The following TARBP1 variants were observed in gnomAD, a reference collection of about 807,000 sequenced individuals.
The protein encoded by TARBP1 is tRNA (guanosine(18)-2'-O)-methyltransferase TARBP1.
TARBP1 carries 144 observed loss-of-function variants against 178.6 expected under a neutral mutation model. That is an observed-to-expected ratio of 0.81 (90% CI 0.70 to 0.93). The LOEUF is 0.93. TARBP1 is among the 40% of genes least tolerant of loss of function. The probability of loss-of-function intolerance (pLI) is 0.00; values close to 1 mark genes in which losing one functional copy is unlikely to be tolerated. For missense variants in TARBP1, 2,067 were observed against 2,011.7 expected (o/e 1.03, Z -0.53); for synonymous variants, 787 against 781.0 (o/e 1.01, Z -0.13).
At chr1:234,400,620 C>A (rs984917710) in intron 25 of TARBP1, among the ~76,000 whole-genome samples, 2 of 152,082 alleles carry the variant, frequency 1.3e-5, no homozygotes, top group African/African-American at 4.8e-5. Flanking sequence ...GAGAAGGTAT[C>A]ATAATTTATG....
intron 22 of TARBP1, among the ~76,000 whole-genome samples, chr1:234,412,032 A>G (rs1046628834): frequency 6.6e-6 from 1 of 152,246 alleles, no homozygotes; most frequent in Non-Finnish European, 1.5e-5. Context: ...TAAAAATCAA[A>G]TCAGATTAAA....
chr1:234,453,046 T>A (rs1234696286), intron 9 of TARBP1, among the ~76,000 whole-genome samples: 1 of 151,966 alleles, frequency 6.6e-6, no homozygotes, highest in Non-Finnish European at 1.5e-5. Flanking sequence ...GCTGCCAAGG[T>A]CTGGGGGAAA....
In TARBP1 at chr1:234,459,262, G is replaced by A. The variant is rs1486542868; in HGVS notation, c.1600C>T (p.Leu534Phe). 8 of 1,612,738 alleles carry A rather than the reference G, an allele frequency of 5.0e-6. 2 individuals are homozygous for A. The Admixed American group carries it at 1.3e-4, about 27-fold the overall frequency. Residue 534 changes from leucine to phenylalanine, a missense_variant, in exon 8 of 30, where the codon CTT becomes TTT. Physicochemically the swap from Leu to Phe is conservative, Grantham distance 22 (BLOSUM62 0). Coordinates refer to ENST00000040877, the MANE Select transcript of TARBP1 (RefSeq NM_005646.4). The part of the protein sequence containing the change: ...ILLRGAAQCY[L>F]LQTAMNLLDV... The stretch of plus-strand genomic sequence containing the variant: ...AGCAAATTCATAGCTGTTTGAAGAA[G>A]GTAGCATTGGGCTGCCCCTCTCAGG...
Position 234,479,169 on chromosome 1 carries a change from G to A in TARBP1, c.-66C>T, listed in dbSNP as rs1669897231. On this transcript the variant is annotated 5_prime_UTR_variant, in exon 1 of 30. Coordinates refer to ENST00000040877, the MANE Select transcript of TARBP1 (RefSeq NM_005646.4). Reference sequence around the variant, plus strand: ...AGGCGCCGGCGTGTGCGATGCGTGCGCACAGGACCGGCCGGCCCCTACGTG... The same window carrying A: ...AGGCGCCGGCGTGTGCGATGCGTGCACACAGGACCGGCCGGCCCCTACGTG... 2.9e-6 allele frequency: 4 copies of A among 1,386,636 alleles called. No individual in the cohort carries two copies. Among genetic ancestry groups the A allele is most frequent in the Admixed American group, 6.7e-5 (2 of 29,902 alleles). 85.9% of individuals were successfully genotyped at this position (1,386,636 alleles called of 1,614,324 possible).
chr1:234,420,040 T>C (rs1662908997), intron 21 of TARBP1, among the ~76,000 whole-genome samples: 1 of 152,230 alleles, frequency 6.6e-6, no homozygotes, highest in South Asian at 2.1e-4. Flanking sequence ...AAAATGTTTT[T>C]AAAAATTGCA....
chr1:234,405,846 C>T (rs1661179760), intron 24 of TARBP1, 57 bp downstream of exon 24: 1 of 1,514,938 alleles, frequency 6.6e-7, no homozygotes, highest in East Asian at 2.3e-5. Context: ...ACTGCCCCCT[C>T]CCTGTGGGCC....
At chr1:234,429,757 C>A in intron 15 of TARBP1, 80 bp from the exon 16 acceptor site, 13 of 1,048,682 alleles carry the variant, frequency 1.2e-5, no homozygotes, top group Non-Finnish European at 1.7e-5. Context: ...ACTATCCTTT[C>A]TAAAGGTGGG....
At chr1:234,448,814 G>A (rs1489667039) in intron 10 of TARBP1, among the ~76,000 whole-genome samples, 1 of 152,214 alleles carries the variant, frequency 6.6e-6, no homozygotes, top group African/African-American at 2.4e-5. Context: ...TTACCTGGGT[G>A]CTGCAGACCC....
At chr1:234,466,864 G>A (rs918374197) in intron 4 of TARBP1, among the ~76,000 whole-genome samples, 5 of 147,288 alleles carry the variant, frequency 3.4e-5, no homozygotes, top group African/African-American at 7.5e-5. Context: ...ACACCATCTC[G>A]AAAAAAAAAC....
Position 234,478,399 on chromosome 1 carries a change from G to C in TARBP1, c.705C>G (p.Ala235=). Residue 235 remains alanine (A), a synonymous_variant, in exon 1 of 30, where the codon GCC becomes GCG. Transcript: ENST00000040877. ...GCTCGGGCAACAGCTTCTCGGCCAGGGCGCTCAGGACCAGCAGCTTCTCCT... is the reference window on the plus strand; with the variant it reads ...GCTCGGGCAACAGCTTCTCGGCCAGCGCGCTCAGGACCAGCAGCTTCTCCT... The part of the protein sequence containing the change: ...RVEEKLLVLS[A]LAEKLLPEPG... The C allele has an allele frequency of 7.4e-7, 1 of 1,358,970 alleles. No individual in the cohort carries two copies. The highest frequency in any genetic ancestry group is 9.5e-7 in the Non-Finnish European group (1 of 1,051,084). 84.2% of individuals were successfully genotyped at this position (1,358,970 alleles called of 1,614,324 possible).
chr1:234,402,045 C>G (rs1055460058), intron 24 of TARBP1, among the ~76,000 whole-genome samples: 36 of 152,224 alleles, frequency 2.4e-4, no homozygotes, highest in African/African-American at 8.4e-4. Flanking sequence ...CTCCCCTCTT[C>G]TCTATTCTAG....
intron 20 of TARBP1, among the ~76,000 whole-genome samples, chr1:234,421,470 T>C (rs775343701): frequency 1.1e-4 from 16 of 152,130 alleles, no homozygotes; most frequent in Non-Finnish European, 2.2e-4. Context: ...ATACTGGACA[T>C]ATATTGCCAC....
Position 234,428,243 on chromosome 1 carries a change from C to T in TARBP1, c.3061-477G>A, listed in dbSNP as rs547720159. ...ATCAGGAGGTACACTGGAACTCCAC[C>T]TTGGTATGTTCCTATCTCAGTAGCT... On this transcript the variant is annotated intron_variant, in intron 17 of 29. Transcript: ENST00000040877. Among the ~76,000 whole-genome samples, 109 of 152,296 alleles carry T rather than the reference C, an allele frequency of 7.2e-4. 2 individuals carry two copies. In the Middle Eastern group the frequency reaches 0.024, roughly 33 times the overall value.
intron 3 of TARBP1, 106 bp from the exon 4 acceptor site, chr1:234,467,756 A>C: frequency 8.6e-7 from 1 of 1,158,044 alleles, no homozygotes; most frequent in Non-Finnish European, 1.1e-6. Context: ...ACTTCATTAT[A>C]ACACTACAAG....
chr1:234,435,253 C>T (rs1444543607), intron 13 of TARBP1, among the ~76,000 whole-genome samples: 1 of 152,120 alleles, frequency 6.6e-6, no homozygotes, highest in East Asian at 1.9e-4. Flanking sequence ...GGTTCAAAAC[C>T]AGCCTGACCA....
Position 234,472,329 on chromosome 1 carries a change from CAAAAAAAAA to C in TARBP1, c.1029+376_1029+384del, listed in dbSNP as rs1160411119. Among the ~76,000 whole-genome samples, 7 of 46,080 alleles carry C rather than the reference CAAAAAAAAA, an allele frequency of 1.5e-4. No homozygotes were observed. In the East Asian group the frequency reaches 2.0e-3, roughly 13 times the overall value. The allele number at this position is 46,080 out of a possible 152,430, so 30.2% of individuals were successfully genotyped here. ...GGGCGAGAGAGCAAGACTCTGTCTC[CAAAAAAAAA>C]AAAAAAAAAAAAAAAAAAACTCAAA... On this transcript the variant is annotated intron_variant, in intron 2 of 29. Transcript: ENST00000040877.
intron 19 of TARBP1, 125 bp from the exon 20 acceptor site, chr1:234,425,918 CA>C: frequency 7.3e-6 from 5 of 688,696 alleles, no homozygotes; most frequent in Non-Finnish European, 1.2e-5. Flanking sequence ...TAAGTAGGTC[CA>C]TACTTAATGA....
intron 9 of TARBP1, among the ~76,000 whole-genome samples, chr1:234,456,082 T>A (rs1222557516): frequency 2.6e-5 from 4 of 152,240 alleles, no homozygotes; most frequent in Non-Finnish European, 5.9e-5. Flanking sequence ...TGTCATACTT[T>A]GAAACCTCTC....
chr1:234,409,405 G>GC (rs1661580038), intron 23 of TARBP1, among the ~76,000 whole-genome samples: 1 of 152,148 alleles, frequency 6.6e-6, no homozygotes, highest in African/African-American at 2.4e-5. Context: ...GACAATGTCT[G>GC]CTCTGTTTTA....
Sources: gnomAD v4.1 joint callset for allele counts (sites outside exome capture counted in the v4.1 genomes callset) on GRCh38, gnomAD v4.1.1 for gene constraint, MANE v1.5 for transcripts, NCBI Gene and HGNC (gene_info 2026-07-23, HGNC 2026-07-21) for gene names.